Variants in KCNAB2 observed in about 807,000 individuals in gnomAD.
The protein encoded by KCNAB2 is potassium voltage-gated channel subfamily A regulatory beta subunit 2.
KCNAB2 carries 29 observed loss-of-function variants against 63.6 expected under a neutral mutation model. The observed-to-expected ratio is 0.46, with a 90% CI of 0.34 to 0.62. The LOEUF (loss-of-function observed/expected upper bound fraction) is 0.62, where lower values mean the gene tolerates loss of function less well. Ranked by LOEUF, KCNAB2 falls within the 20% of genes least tolerant of loss-of-function variation. KCNAB2 has a pLI of 0.01. For synonymous variants in KCNAB2, 222 were observed against 224.2 expected (o/e 0.99, Z 0.09); for missense variants, 359 against 563.9 (o/e 0.64, Z 3.68).
At chr1:6,044,012 A>C (rs555250276), upstream of KCNAB2, among the ~76,000 whole-genome samples, 42 of 152,324 alleles carry the variant, frequency 2.8e-4, no homozygotes, top group South Asian at 8.5e-3. Flanking sequence ...TACCCCAGGC[A>C]TGTCCTTCCC....
upstream of KCNAB2, among the ~76,000 whole-genome samples, chr1:6,044,863 G>A (rs1281153558): frequency 1.3e-5 from 2 of 152,208 alleles, no homozygotes; most frequent in South Asian, 4.1e-4. Flanking sequence ...CGTCCACAGG[G>A]CTTGGCCACT....
Position 6,024,468 on chromosome 1 carries a change from T to TA in KCNAB2, c.-52-16042dup, listed in dbSNP as rs1557939790. ...GCCTTCCTGGTCCAAAGAAACTTTT[T>TA]AAAAAAAGAGTTGGCAAATATCTGA... is the stretch of plus-strand genomic sequence containing the variant. On this transcript the variant is annotated intron_variant, in intron 1 of 16. Transcript: ENST00000341524. This position sits in a 1 kb window ranked among gnomAD's most constrained non-coding sequence, Gnocchi z 5.4. Among the ~76,000 whole-genome samples, 1 of 152,248 alleles carries TA rather than the reference T, an allele frequency of 6.6e-6. No homozygotes were observed. The highest frequency in any genetic ancestry group is 2.1e-4 in the South Asian group (1 of 4,832).
chr1:6,011,332 A>AG (rs1658133636), intron 1 of KCNAB2, among the ~76,000 whole-genome samples: 1 of 146,290 alleles, frequency 6.8e-6, no homozygotes, highest in African/African-American at 2.6e-5. Context: ...AGTGTGCGGG[A>AG]GACAGGCAGG....
chr1:6,079,777 G>T (rs74351680), intron 4 of KCNAB2, among the ~76,000 whole-genome samples: 3,556 of 152,258 alleles, frequency 0.023, 143 homozygotes, highest in African/African-American at 0.08. Flanking sequence ...ATATGACAGG[G>T]AGATGGATGG....
At chr1:6,083,069 A>C (rs1664347945) in intron 5 of KCNAB2, among the ~76,000 whole-genome samples, 1 of 152,150 alleles carries the variant, frequency 6.6e-6, no homozygotes, top group Admixed American at 6.5e-5. Flanking sequence ...TGGGGAGCGC[A>C]CAGCCCTGGG....
At chr1:6,000,710 A>G (rs1657206407) in intron 1 of KCNAB2, among the ~76,000 whole-genome samples, 1 of 151,934 alleles carries the variant, frequency 6.6e-6, no homozygotes, top group Non-Finnish European at 1.5e-5. Flanking sequence ...GCCTGTTTAC[A>G]TGAAGCCTAT....
At chr1:6,014,306 G>A (rs1435169012) in intron 1 of KCNAB2, among the ~76,000 whole-genome samples, 1 of 152,230 alleles carries the variant, frequency 6.6e-6, no homozygotes, top group African/African-American at 2.4e-5. Context: ...GTGTCCGCAA[G>A]AATGAGGCCC....
At chr1:6,036,605 G>C (rs1660058636) in intron 1 of KCNAB2, among the ~76,000 whole-genome samples, 1 of 152,222 alleles carries the variant, frequency 6.6e-6, no homozygotes, top group Non-Finnish European at 1.5e-5. Flanking sequence ...AGGAGGAATG[G>C]GCTTGGGATG....
rs942400857 is a variant in KCNAB2, at chr1:6,063,666, C to A, written c.219-9089C>A. ...CCTCAGGTGATCCACCCACCTCAGC[C>A]TCCCACAGTGCTGGGATTACAGGCA... On this transcript the variant is annotated intron_variant, in intron 2 of 15. Transcript: ENST00000378083. Among the ~76,000 whole-genome samples the A allele has an allele frequency of 5.3e-5, 8 of 152,334 alleles. No individual in the cohort carries two copies. In the South Asian group the frequency reaches 1.7e-3, roughly 32 times the overall value.
chr1:6,005,435 G>GGGGGACGTGGA, intron 1 of KCNAB2, among the ~76,000 whole-genome samples: 1 of 24,464 alleles, frequency 4.1e-5, no homozygotes, highest in African/African-American at 1.3e-4. Flanking sequence ...TGGGTTGTGT[G>GGGGGACGTGGA]AGCTGAGCTG....
chr1:6,071,986 G>A lies in KCNAB2; in HGVS notation c.219-769G>A, dbSNP rs1663246864. On this transcript the variant is annotated intron_variant, in intron 2 of 15. Transcript: ENST00000378083. This position sits in a 1 kb window ranked among gnomAD's most constrained non-coding sequence, Gnocchi z 8.5. Reference sequence around the variant, plus strand: ...AACCCTGCAGGCTCCTAGGCAACCTGTGCCAGGACATACGGGCATGCCGGT... The same window carrying A: ...AACCCTGCAGGCTCCTAGGCAACCTATGCCAGGACATACGGGCATGCCGGT... 6.6e-6 allele frequency among the ~76,000 whole-genome samples: 1 copy of A among 152,182 alleles called. No homozygotes were observed. Among genetic ancestry groups the A allele is most frequent in the Non-Finnish European group, 1.5e-5 (1 of 67,994 alleles).
At chr1:6,095,108 C>T (rs1207509724) in intron 11 of KCNAB2, among the ~76,000 whole-genome samples, 2 of 152,218 alleles carry the variant, frequency 1.3e-5, no homozygotes, top group Admixed American at 6.5e-5. Context: ...CTGGACCCTC[C>T]GGCCTGGGGG....
At chr1:6,058,103 G>A (rs993070979) in intron 2 of KCNAB2, among the ~76,000 whole-genome samples, 6 of 152,122 alleles carry the variant, frequency 3.9e-5, no homozygotes, top group African/African-American at 1.2e-4. Flanking sequence ...AGCCGAGATC[G>A]AACCACTGGC....
intron 1 of KCNAB2, among the ~76,000 whole-genome samples, chr1:6,001,540 G>A (rs1657262315): frequency 6.6e-6 from 1 of 152,192 alleles, no homozygotes; most frequent in South Asian, 2.1e-4. Flanking sequence ...TATGGGTGCT[G>A]AGGGCCTGGC....
chr1:6,064,291 A>G (rs1406634322), intron 2 of KCNAB2, among the ~76,000 whole-genome samples: 1 of 152,242 alleles, frequency 6.6e-6, no homozygotes, highest in Non-Finnish European at 1.5e-5. Flanking sequence ...TTCCCCTGAC[A>G]TGATCAGATG....
intron 1 of KCNAB2, among the ~76,000 whole-genome samples, chr1:6,023,031 T>C (rs559547002): frequency 2.6e-5 from 4 of 152,144 alleles, no homozygotes; most frequent in African/African-American, 9.6e-5. Flanking sequence ...TACAGGTGCC[T>C]GCCATGACAC....
At chr1:6,048,338 G>C (rs1161823812) in intron 1 of KCNAB2, among the ~76,000 whole-genome samples, 1 of 152,184 alleles carries the variant, frequency 6.6e-6, no homozygotes, top group Non-Finnish European at 1.5e-5. Context: ...TCTTCTGGCT[G>C]CGTCACCAAC....
intron 5 of KCNAB2, among the ~76,000 whole-genome samples, chr1:6,083,438 T>C (rs911817207): frequency 6.6e-6 from 1 of 152,156 alleles, no homozygotes; most frequent in Non-Finnish European, 1.5e-5. Flanking sequence ...GCAGTTTCCA[T>C]GTTCCCCTGT....
chr1:6,065,542 G>A (rs1174234012), intron 2 of KCNAB2, among the ~76,000 whole-genome samples: 1 of 152,164 alleles, frequency 6.6e-6, no homozygotes, highest in East Asian at 1.9e-4. Context: ...CAGAAGAGCA[G>A]TCACAGCGGC....
Sources: gnomAD v4.1 joint callset for allele counts (sites outside exome capture counted in the v4.1 genomes callset) on GRCh38, gnomAD v4.1.1 for gene constraint, Gnocchi (gnomAD v3.1) non-coding constraint, MANE v1.5 for transcripts, NCBI Gene and HGNC (gene_info 2026-07-23, HGNC 2026-07-21) for gene names.